The following UST variants were observed in gnomAD, a reference collection of about 807,000 sequenced individuals.
UST encodes uronyl 2-sulfotransferase.
UST carries 21 observed loss-of-function variants against 45.6 expected under a neutral mutation model. The ratio of observed to expected loss-of-function variants is 0.46; its 90% CI spans 0.33 to 0.66. UST has a LOEUF of 0.66. Ranked by LOEUF, UST falls within the 30% of genes least tolerant of loss-of-function variation. The probability of loss-of-function intolerance (pLI) is 0.02; values close to 1 mark genes in which losing one functional copy is unlikely to be tolerated. For synonymous variants in UST, 215 were observed against 200.6 expected (o/e 1.07, Z -0.61); for missense variants, 463 against 512.4 (o/e 0.90, Z 0.93).
intron 7 of UST, 130 bp downstream of exon 7, chr6:149,021,611 G>A: frequency 9.2e-7 from 1 of 1,087,752 alleles, no homozygotes; most frequent in Non-Finnish European, 1.3e-6. Context: ...TAGTTCCCTG[G>A]GCTTGCAAAG....
At chr6:148,773,932 C>T (rs180799496) in intron 1 of UST, among the ~76,000 whole-genome samples, 50 of 152,280 alleles carry the variant, frequency 3.3e-4, no homozygotes, top group African/African-American at 1.0e-3. Context: ...ACTTGTCTTG[C>T]GGCCCAATTC....
At position 148,999,786 on chromosome 6, in the gene UST, C is replaced by G. The variant is rs987014983; in HGVS notation, c.682-19353C>G. On this transcript the variant is annotated intron_variant, in intron 5 of 7. Transcript: ENST00000367463. ...ACATCCCAGGTTATCCATGCCTCTA[C>G]ACTCAGCATTTCCTCTGATAGACCT... Among the ~76,000 whole-genome samples, 4 of 139,268 alleles carry G rather than the reference C, an allele frequency of 2.9e-5. 1 individual carries two copies. The highest frequency in any genetic ancestry group is 6.7e-5 in the Non-Finnish European group (4 of 59,430). The allele number at this position is 139,268 out of a possible 152,430, so 91.4% of individuals were successfully genotyped here.
chr6:148,784,864 G>A (rs147410942), intron 1 of UST, among the ~76,000 whole-genome samples: 2 of 152,208 alleles, frequency 1.3e-5, no homozygotes, highest in Non-Finnish European at 2.9e-5. Context: ...AGAAGACTTA[G>A]CAGACTCAGG....
intron 2 of UST, among the ~76,000 whole-genome samples, chr6:148,937,235 A>G (rs533633578): frequency 6.6e-6 from 1 of 152,272 alleles, no homozygotes; most frequent in South Asian, 2.1e-4. Context: ...TTTTAGTGAA[A>G]ACACATTTCC....
chr6:148,998,753 T>A (rs1367263190), intron 5 of UST, among the ~76,000 whole-genome samples: 1 of 152,250 alleles, frequency 6.6e-6, no homozygotes, highest in Non-Finnish European at 1.5e-5. Flanking sequence ...GGATAGATAG[T>A]CCCATTGACT....
At position 148,934,182 on chromosome 6, in the gene UST, CCA is replaced by C. The variant is rs1779975799; in HGVS notation, c.292-7094_292-7093del. On this transcript the variant is annotated intron_variant, in intron 2 of 7. Transcript: ENST00000367463. This position sits in a 1 kb window ranked among gnomAD's most constrained non-coding sequence, Gnocchi z 4.1. ...GGTGTGAAGTGACTGGCTTCTAGCACCACAGTGTCCTAGGAACTTTAACATGA... is the reference window on the plus strand; with the variant it reads ...GGTGTGAAGTGACTGGCTTCTAGCACCAGTGTCCTAGGAACTTTAACATGA... Among the ~76,000 whole-genome samples, 2 of 152,126 alleles carry C rather than the reference CCA, an allele frequency of 1.3e-5. No homozygotes were observed. Among genetic ancestry groups the C allele is most frequent in the Non-Finnish European group, 2.9e-5 (2 of 68,004 alleles).
chr6:148,839,239 A>C (rs1376495364), intron 1 of UST, among the ~76,000 whole-genome samples: 1 of 152,210 alleles, frequency 6.6e-6, no homozygotes, highest in Non-Finnish European at 1.5e-5. Flanking sequence ...GAAACAGGCC[A>C]GTTTTCCTAA....
At chr6:148,953,997 A>T (rs1780426839) in intron 4 of UST, 46 bp downstream of exon 4, 1 of 1,434,374 alleles carries the variant, frequency 7.0e-7, no homozygotes, top group Non-Finnish European at 9.6e-7. Context: ...TCTTCTAATG[A>T]ACAGTTACTT....
chr6:148,774,289 T>A (rs547718116), intron 1 of UST, among the ~76,000 whole-genome samples: 57 of 110,494 alleles, frequency 5.2e-4, no homozygotes, highest in Admixed American at 1.8e-3. Flanking sequence ...TATATATATA[T>A]AAAAATATAA....
At chr6:148,786,793 A>G (rs1776742580) in intron 1 of UST, among the ~76,000 whole-genome samples, 1 of 152,208 alleles carries the variant, frequency 6.6e-6, no homozygotes, top group East Asian at 1.9e-4. Context: ...TTCTGCCTCT[A>G]GGTCGTTGAG....
At position 148,934,153 on chromosome 6, in the gene UST, C is replaced by T. The variant is rs1478517174; in HGVS notation, c.292-7126C>T. 2.0e-5 allele frequency among the ~76,000 whole-genome samples: 3 copies of T among 152,126 alleles called. No homozygotes were observed. The highest frequency in any genetic ancestry group is 7.2e-5 in the African/African-American group (3 of 41,434). ...TTTTATAAGTGAGGAAACTGGGGCTCAAGGGTGTGAAGTGACTGGCTTCTA... is the reference window on the plus strand; with the variant it reads ...TTTTATAAGTGAGGAAACTGGGGCTTAAGGGTGTGAAGTGACTGGCTTCTA... On this transcript the variant is annotated intron_variant, in intron 2 of 7. Coordinates refer to ENST00000367463, the MANE Select transcript of UST (RefSeq NM_005715.3). The surrounding 1 kb of genome is among the most constrained non-coding windows in gnomAD (Gnocchi z 4.1).
At chr6:148,998,233 C>T (rs960251442) in intron 5 of UST, among the ~76,000 whole-genome samples, 1 of 152,194 alleles carries the variant, frequency 6.6e-6, no homozygotes. Flanking sequence ...GCCATTCTTA[C>T]AGTCACAAAG....
chr6:148,925,071 C>G (rs1026901), intron 2 of UST, among the ~76,000 whole-genome samples: 52,099 of 152,044 alleles, frequency 0.34, 9,027 homozygotes, highest in South Asian at 0.46. Flanking sequence ...GGAATTAGCT[C>G]TGCAAACACT....
At chr6:148,763,391 G>A (rs1776257792) in intron 1 of UST, among the ~76,000 whole-genome samples, 1 of 151,994 alleles carries the variant, frequency 6.6e-6, no homozygotes. Context: ...TGAGTTCCTT[G>A]TATAGATTCT....
Position 148,790,718 on chromosome 6 carries a change from C to T in UST, c.247+43041C>T, listed in dbSNP as rs536144757. 4.6e-5 allele frequency among the ~76,000 whole-genome samples: 7 copies of T among 152,186 alleles called. No individual in the cohort carries two copies. Among genetic ancestry groups the T allele is most frequent in the African/African-American group, 7.2e-5 (3 of 41,444 alleles). On this transcript the variant is annotated intron_variant, in intron 1 of 7. Transcript: ENST00000367463. This position sits in a 1 kb window ranked among gnomAD's most constrained non-coding sequence, Gnocchi z 4.2. The stretch of plus-strand genomic sequence containing the variant: ...CTCCTCGCCCAAGGTTATGCCTCTC[C>T]TCTCGGGGCATCCCACATCCAATGC...
intron 7 of UST, among the ~76,000 whole-genome samples, chr6:149,043,249 C>T (rs1451308014): frequency 6.6e-6 from 1 of 151,248 alleles, no homozygotes; most frequent in African/African-American, 2.4e-5. Context: ...TAGCTAGGAC[C>T]ACAGGTTTGT....
chr6:148,953,771 CAAAA>C (rs58266916), intron 3 of UST, 97 bp from the exon 4 acceptor site: 1,341 of 265,582 alleles, frequency 5.0e-3, no homozygotes, highest in South Asian at 9.9e-3. Flanking sequence ...GACTCCATCT[CAAAA>C]AAAAAAAAAA....
intron 5 of UST, among the ~76,000 whole-genome samples, chr6:149,009,584 T>C (rs9485345): frequency 0.15 from 8,463 of 55,322 alleles, 673 homozygotes; most frequent in African/African-American, 0.33. Flanking sequence ...CACACACACA[T>C]AGACAGACAC....
At chr6:149,062,652 G>C (rs1016929946) in intron 7 of UST, among the ~76,000 whole-genome samples, 3 of 152,210 alleles carry the variant, frequency 2.0e-5, no homozygotes, top group African/African-American at 7.2e-5. Context: ...AAGGAGAAGT[G>C]GGTGGTTATA....
Sources: allele counts gnomAD v4.1 joint callset (sites outside exome capture counted in the v4.1 genomes callset), GRCh38; gene constraint gnomAD v4.1.1; non-coding constraint Gnocchi (gnomAD v3.1); transcripts MANE v1.5; gene names NCBI Gene and HGNC (gene_info 2026-07-23, HGNC 2026-07-21).